The following NRG1 variants were observed in gnomAD, a reference collection of about 807,000 sequenced individuals.
NRG1 encodes the protein neuregulin 1, also known as pro-neuregulin-1, membrane-bound isoform.
Under a neutral mutation model 63.8 loss-of-function variants are expected in NRG1, and 18 were observed. The ratio of observed to expected loss-of-function variants is 0.28; its 90% CI spans 0.19 to 0.42. The LOEUF (loss-of-function observed/expected upper bound fraction) is 0.42, where lower values mean the gene tolerates loss of function less well. Ranked by LOEUF, NRG1 falls within the 10% of genes least tolerant of loss-of-function variation. The pLI, the probability that NRG1 is intolerant of heterozygous loss-of-function variation, is 1.00. For missense variants in NRG1, 762 were observed against 814.7 expected (o/e 0.94, Z 0.79); for synonymous variants, 302 against 301.3 (o/e 1.00, Z -0.02).
At chr8:31,694,075 T>G (rs1809805702) in intron 1 of NRG1, among the ~76,000 whole-genome samples, 1 of 152,174 alleles carries the variant, frequency 6.6e-6, no homozygotes, top group African/African-American at 2.4e-5. Flanking sequence ...ACTCCTGAGC[T>G]CAAGGGACCC....
chr8:32,048,485 A>C (rs1039061761), intron 1 of NRG1, among the ~76,000 whole-genome samples: 2 of 139,396 alleles, frequency 1.4e-5, no homozygotes, highest in Non-Finnish European at 3.0e-5. Context: ...ATATATATAT[A>C]GTGGTGGGAT....
At chr8:32,221,322 G>A (rs970233389) in intron 1 of NRG1, among the ~76,000 whole-genome samples, 2 of 152,096 alleles carry the variant, frequency 1.3e-5, no homozygotes, top group Non-Finnish European at 2.9e-5. Flanking sequence ...TACCTGTCTT[G>A]ATGCACGGTG....
intron 1 of NRG1, among the ~76,000 whole-genome samples, chr8:32,511,836 A>G (rs1182008719): frequency 1.3e-5 from 2 of 152,202 alleles, no homozygotes; most frequent in Non-Finnish European, 2.9e-5. Context: ...GGTTAGGAGC[A>G]TGCAGCTGTG....
At chr8:31,667,758 C>T (rs1456061559) in intron 1 of NRG1, among the ~76,000 whole-genome samples, 3 of 152,134 alleles carry the variant, frequency 2.0e-5, no homozygotes, top group African/African-American at 4.8e-5. Context: ...TCCTTTTCAT[C>T]CAAGCTCTCA....
At chr8:32,211,560 C>A (rs139743038) in intron 1 of NRG1, among the ~76,000 whole-genome samples, 6 of 152,312 alleles carry the variant, frequency 3.9e-5, no homozygotes, top group African/African-American at 4.8e-5. Flanking sequence ...CACTCCAACA[C>A]TGCATCTAGT....
At chr8:31,991,196 A>T (rs1249208878) in intron 1 of NRG1, among the ~76,000 whole-genome samples, 1 of 152,022 alleles carries the variant, frequency 6.6e-6, no homozygotes, top group African/African-American at 2.4e-5. Flanking sequence ...CAATTTTTTA[A>T]GTGATCGAGT....
intron 1 of NRG1, among the ~76,000 whole-genome samples, chr8:32,276,166 A>G (rs1022887234): frequency 2.0e-5 from 3 of 152,136 alleles, no homozygotes; most frequent in African/African-American, 7.2e-5. Flanking sequence ...GTAACTTTGT[A>G]TCTATTAACC....
chr8:32,275,933 A>G (rs1039337862), intron 1 of NRG1, among the ~76,000 whole-genome samples: 3 of 152,192 alleles, frequency 2.0e-5, no homozygotes, highest in African/African-American at 7.2e-5. Flanking sequence ...ACAACTGTAC[A>G]TATTTATGGG....
chr8:31,828,798 T>C (rs1453928791), intron 1 of NRG1, among the ~76,000 whole-genome samples: 3 of 152,240 alleles, frequency 2.0e-5, no homozygotes, highest in African/African-American at 4.8e-5. Context: ...CTAATCTCCA[T>C]ATATTCTTCA....
chr8:32,518,424 A>C (rs1302967692), intron 1 of NRG1, among the ~76,000 whole-genome samples: 1 of 152,158 alleles, frequency 6.6e-6, no homozygotes, highest in African/African-American at 2.4e-5. Flanking sequence ...TCTAGTCCCA[A>C]TTGTGTGGGT....
intron 1 of NRG1, among the ~76,000 whole-genome samples, chr8:32,413,443 C>CT (rs1815396825): frequency 1.3e-5 from 2 of 152,094 alleles, no homozygotes; most frequent in Non-Finnish European, 2.9e-5. Flanking sequence ...TTTCCTTAGG[C>CT]TTGTAGCATT....
At chr8:31,856,835 A>G (rs1203204179) in intron 1 of NRG1, among the ~76,000 whole-genome samples, 2 of 152,216 alleles carry the variant, frequency 1.3e-5, no homozygotes, top group African/African-American at 2.4e-5. Context: ...TCTAACAGAC[A>G]GGACCCTCAG....
rs1304699590 is a variant in NRG1 at position 32,170,768 on chromosome 8, G to T, written c.38-425060G>T. 4.6e-5 allele frequency among the ~76,000 whole-genome samples: 7 copies of T among 152,290 alleles called. No individual in the cohort carries two copies. In the South Asian group the frequency reaches 1.0e-3, roughly 23 times the overall value. On this transcript the variant is annotated intron_variant, in intron 1 of 10. Transcript: ENST00000519301. ...GGAGTATCTAGTCTCCAAAGTGATT[G>T]CTCTAGAGACATTTATCAATCCACC...
chr8:32,744,105 A>T (rs1292054336), intron 7 of NRG1, among the ~76,000 whole-genome samples: 8 of 152,260 alleles, frequency 5.3e-5, no homozygotes, highest in Admixed American at 2.6e-4. Context: ...AGAAACAGTG[A>T]TGTAAGTTGG....
chr8:32,507,671 A>T (rs1287533784), intron 1 of NRG1, among the ~76,000 whole-genome samples: 2 of 152,296 alleles, frequency 1.3e-5, no homozygotes, highest in East Asian at 3.9e-4. Flanking sequence ...TTTGGAAGTA[A>T]CTTGGTAGTA....
At chr8:31,984,111 T>C (rs1019000101) in intron 1 of NRG1, among the ~76,000 whole-genome samples, 5 of 152,074 alleles carry the variant, frequency 3.3e-5, no homozygotes, top group Non-Finnish European at 5.9e-5. Flanking sequence ...AGACTCATAG[T>C]GGATATTTCC....
At chr8:32,712,826 C>T (rs1335479378) in intron 5 of NRG1, among the ~76,000 whole-genome samples, 1 of 152,118 alleles carries the variant, frequency 6.6e-6, no homozygotes, top group African/African-American at 2.4e-5. Context: ...TAGTGGTTCT[C>T]TGATCTAAGC....
At chr8:32,715,011 T>A (rs953225064) in intron 5 of NRG1, among the ~76,000 whole-genome samples, 2 of 152,188 alleles carry the variant, frequency 1.3e-5, no homozygotes, top group African/African-American at 2.4e-5. Context: ...TCTTGCTCTG[T>A]TGCCCAGGCT....
chr8:32,028,750 A>T (rs1216271966), intron 1 of NRG1, among the ~76,000 whole-genome samples: 1 of 152,190 alleles, frequency 6.6e-6, no homozygotes, highest in Non-Finnish European at 1.5e-5. Flanking sequence ...TGCAAGAAGA[A>T]TATTTTTTCA....
Sources: allele counts gnomAD v4.1 joint callset (sites outside exome capture counted in the v4.1 genomes callset), GRCh38; gene constraint gnomAD v4.1.1; transcripts MANE v1.5; gene names NCBI Gene and HGNC (gene_info 2026-07-23, HGNC 2026-07-21).